The following CDYL2 variants were observed in gnomAD, a reference collection of about 807,000 sequenced individuals.
The protein encoded by CDYL2 is chromodomain Y-like protein 2.
Under a neutral mutation model 49.4 loss-of-function variants are expected in CDYL2, and 23 were observed. The ratio of observed to expected loss-of-function variants is 0.47; its 90% CI spans 0.34 to 0.66. The LOEUF (loss-of-function observed/expected upper bound fraction) is 0.66. Ranked by LOEUF, CDYL2 falls within the 30% of genes least tolerant of loss-of-function variation. The probability of loss-of-function intolerance (pLI) is 0.01; values close to 1 mark genes in which losing one functional copy is unlikely to be tolerated. For missense variants in CDYL2, 678 were observed against 656.4 expected, an observed-to-expected ratio of 1.03 and a Z score of -0.36; for synonymous variants, 360 against 268.8, an observed-to-expected ratio of 1.34 and a Z score of -3.32.
At position 80,742,559 on chromosome 16, in the gene CDYL2, A is replaced by T. The variant is rs138642627; in HGVS notation, c.25-57430T>A. On this transcript the variant is annotated intron_variant, in intron 1 of 6. Coordinates refer to ENST00000570137, the MANE Select transcript of CDYL2 (RefSeq NM_152342.4). ...ATGAAAGAGTAGGTGGGTTGGGATG[A>T]ATGAGTGGATATATAAATGGGTGAG... Among the ~76,000 whole-genome samples, 68 of 151,578 alleles carry T rather than the reference A, an allele frequency of 4.5e-4. 1 individual carries two copies. The East Asian group carries it at 5.7e-3, about 13-fold the overall frequency.
intron 3 of CDYL2, among the ~76,000 whole-genome samples, chr16:80,624,852 G>C (rs2123279): frequency 6.6e-6 from 1 of 152,090 alleles, no homozygotes; most frequent in Non-Finnish European, 1.5e-5. Flanking sequence ...GGTGCTAAAG[G>C]GAGCATAAAG....
chr16:80,654,270 C>T (rs1291244678), intron 2 of CDYL2, among the ~76,000 whole-genome samples: 1 of 152,210 alleles, frequency 6.6e-6, no homozygotes, highest in Non-Finnish European at 1.5e-5. Context: ...TCCCATGCCC[C>T]TCCTAAGGAA....
intron 2 of CDYL2, among the ~76,000 whole-genome samples, chr16:80,669,906 C>T (rs1279578817): frequency 6.6e-6 from 1 of 152,156 alleles, no homozygotes; most frequent in Non-Finnish European, 1.5e-5. Flanking sequence ...CACGACCCTG[C>T]CCAGCCAGAC....
rs184331763 is a variant in CDYL2 at position 80,694,857 on chromosome 16, G to T, written c.25-9728C>A. ...AAGATCTGAGAGTGCTAAAAGGTAT[G>T]AAAGTGCTCCAAATAAATAAATAAA... On this transcript the variant is annotated intron_variant, in intron 1 of 6. Coordinates refer to ENST00000570137, the MANE Select transcript of CDYL2 (RefSeq NM_152342.4). 9.9e-4 allele frequency among the ~76,000 whole-genome samples: 150 copies of T among 152,284 alleles called. 1 individual carries two copies. Among genetic ancestry groups the T allele is most frequent in the African/African-American group, 3.4e-3 (142 of 41,564 alleles).
chr16:80,729,728 G>A (rs1452672569), intron 1 of CDYL2, among the ~76,000 whole-genome samples: 3 of 152,082 alleles, frequency 2.0e-5, no homozygotes, highest in Non-Finnish European at 4.4e-5. Flanking sequence ...AAATATAAAA[G>A]AACAGAAATT....
intron 1 of CDYL2, among the ~76,000 whole-genome samples, chr16:80,711,661 A>G (rs886251101): frequency 6.6e-6 from 1 of 152,190 alleles, no homozygotes; most frequent in Non-Finnish European, 1.5e-5. Flanking sequence ...TCAGAAATGT[A>G]GGGATAACAG....
At chr16:80,655,878 A>G (rs1908787431) in intron 2 of CDYL2, among the ~76,000 whole-genome samples, 1 of 152,108 alleles carries the variant, frequency 6.6e-6, no homozygotes, top group Admixed American at 6.5e-5. Context: ...CTCCTTCAGG[A>G]GCATCATGCT....
chr16:80,788,162 C>G (rs1413958645), intron 1 of CDYL2, among the ~76,000 whole-genome samples: 1 of 152,148 alleles, frequency 6.6e-6, no homozygotes, highest in Non-Finnish European at 1.5e-5. Context: ...ATTAGACTGA[C>G]CAAGAAATGT....
intron 1 of CDYL2, among the ~76,000 whole-genome samples, chr16:80,710,250 C>T (rs1043502656): frequency 1.3e-5 from 2 of 152,116 alleles, no homozygotes; most frequent in African/African-American, 2.4e-5. Flanking sequence ...TTTAAGAATG[C>T]TCAAGTCATA....
At chr16:80,624,469 G>C (rs537553252) in intron 3 of CDYL2, among the ~76,000 whole-genome samples, 6 of 152,254 alleles carry the variant, frequency 3.9e-5, no homozygotes, top group African/African-American at 1.4e-4. Flanking sequence ...TAATATCCCT[G>C]AGGTGTCTGA....
At chr16:80,703,639 C>T (rs1259921806) in intron 1 of CDYL2, among the ~76,000 whole-genome samples, 1 of 152,158 alleles carries the variant, frequency 6.6e-6, no homozygotes, top group Non-Finnish European at 1.5e-5. Flanking sequence ...GGTTACCATG[C>T]ATCACACTCT....
At chr16:80,662,355 G>A (rs2142436932) in intron 2 of CDYL2, among the ~76,000 whole-genome samples, 1 of 152,210 alleles carries the variant, frequency 6.6e-6, no homozygotes, top group Middle Eastern at 3.4e-3. Flanking sequence ...TCTCCCTCCT[G>A]GAGAAAGCAC....
chr16:80,688,076 G>C (rs1021988115), intron 1 of CDYL2, among the ~76,000 whole-genome samples: 1 of 152,196 alleles, frequency 6.6e-6, no homozygotes, highest in East Asian at 1.9e-4. Flanking sequence ...AGGTTAGCAA[G>C]GGTGCAGGGT....
intron 1 of CDYL2, among the ~76,000 whole-genome samples, chr16:80,702,314 G>A (rs993707776): frequency 4.0e-5 from 6 of 151,606 alleles, no homozygotes; most frequent in Non-Finnish European, 8.8e-5. Flanking sequence ...ATTTTGCTCA[G>A]AAAAGCACGT....
At chr16:80,785,624 T>C (rs1340517558) in intron 1 of CDYL2, among the ~76,000 whole-genome samples, 1 of 152,072 alleles carries the variant, frequency 6.6e-6, no homozygotes, top group Non-Finnish European at 1.5e-5. Flanking sequence ...TTAAACTTCA[T>C]ATAGAACCAA....
intron 1 of CDYL2, among the ~76,000 whole-genome samples, chr16:80,800,896 G>A (rs1055574621): frequency 3.3e-5 from 5 of 152,168 alleles, no homozygotes; most frequent in Non-Finnish European, 5.9e-5. Flanking sequence ...ACTAGAATCA[G>A]GTTGCAAACT....
chr16:80,666,182 G>A (rs1295883261), intron 2 of CDYL2, among the ~76,000 whole-genome samples: 27 of 152,178 alleles, frequency 1.8e-4, no homozygotes, highest in Admixed American at 1.8e-3. Flanking sequence ...GATGCTAAGA[G>A]GCAATGTTTG....
intron 1 of CDYL2, among the ~76,000 whole-genome samples, chr16:80,798,147 C>A (rs1907822306): frequency 6.6e-6 from 1 of 152,106 alleles, no homozygotes; most frequent in Non-Finnish European, 1.5e-5. Context: ...CTCAAGCAAT[C>A]CCCCAACCTC....
chr16:80,686,431 A>G (rs956829739), intron 1 of CDYL2, among the ~76,000 whole-genome samples: 1 of 152,210 alleles, frequency 6.6e-6, no homozygotes, highest in Non-Finnish European at 1.5e-5. Flanking sequence ...TTCTACTTCA[A>G]TATCAATATA....
Sources: gnomAD v4.1 joint callset for allele counts (sites outside exome capture counted in the v4.1 genomes callset) on GRCh38, gnomAD v4.1.1 for gene constraint, MANE v1.5 for transcripts, NCBI Gene and HGNC (gene_info 2026-07-23, HGNC 2026-07-21) for gene names.